Variants in STPG2 observed in about 807,000 individuals in gnomAD.
STPG2 encodes sperm tail PG-rich repeat containing 2, also known as sperm-tail PG-rich repeat-containing protein 2.
In STPG2, 56 loss-of-function variants were observed where a neutral mutation model predicts 54.2. The observed-to-expected ratio is 1.03, with a 90% CI of 0.83 to 1.29. STPG2 has a LOEUF of 1.29. Ranked by LOEUF, STPG2 falls within the 50% of genes most tolerant of loss-of-function variation. The pLI is 0.00. For missense variants in STPG2, 596 were observed against 544.9 expected (o/e 1.09, Z -0.93); for synonymous variants, 200 against 181.8 (o/e 1.10, Z -0.81).
At chr4:97,954,959 T>G (rs1258093562) in intron 7 of STPG2, among the ~76,000 whole-genome samples, 1 of 152,156 alleles carries the variant, frequency 6.6e-6, no homozygotes, top group African/African-American at 2.4e-5. Flanking sequence ...GATTAATGTG[T>G]TCAATAAAAC....
At chr4:97,889,734 C>T (rs919140734) in intron 8 of STPG2, among the ~76,000 whole-genome samples, 2 of 152,020 alleles carry the variant, frequency 1.3e-5, no homozygotes, top group Non-Finnish European at 2.9e-5. Context: ...TTCATTCAGA[C>T]AGTAGGAAAA....
intron 9 of STPG2, among the ~76,000 whole-genome samples, chr4:97,764,493 G>A (rs1264923041): frequency 6.6e-6 from 1 of 152,026 alleles, no homozygotes; most frequent in Non-Finnish European, 1.5e-5. Context: ...AAGGTTAAAG[G>A]ATACAAGGCT....
chr4:98,078,715 C>A (rs1738249307), intron 5 of STPG2, among the ~76,000 whole-genome samples: 1 of 152,058 alleles, frequency 6.6e-6, no homozygotes. Context: ...TGCTTGCCAC[C>A]ACAGAAAGAA....
At chr4:97,755,604 T>A (rs1398446645) in intron 9 of STPG2, among the ~76,000 whole-genome samples, 1 of 152,198 alleles carries the variant, frequency 6.6e-6, no homozygotes, top group South Asian at 2.1e-4. Context: ...ATAAACTATC[T>A]GGCTCTCAAG....
intron 7 of STPG2, among the ~76,000 whole-genome samples, chr4:97,963,730 T>C (rs867254650): frequency 3.4e-4 from 51 of 151,756 alleles, no homozygotes; most frequent in Middle Eastern, 3.5e-3. Flanking sequence ...GAAATATACA[T>C]ACACACATAT....
chr4:97,580,214 C>T (rs1732828482), intron 10 of STPG2, among the ~76,000 whole-genome samples: 1 of 151,858 alleles, frequency 6.6e-6, no homozygotes, highest in Non-Finnish European at 1.5e-5. Flanking sequence ...ATTTATTCTG[C>T]AATAAAGTCA....
chr4:97,470,178 A>G (rs1416416502), intron 4 of STPG2, among the ~76,000 whole-genome samples: 1 of 152,046 alleles, frequency 6.6e-6, no homozygotes, highest in African/African-American at 2.4e-5. Flanking sequence ...CTCAGGAGAG[A>G]GAGAATTAAC....
chr4:97,547,457 G>A (rs1731858700), intron 4 of STPG2, among the ~76,000 whole-genome samples: 2 of 152,172 alleles, frequency 1.3e-5, no homozygotes, highest in African/African-American at 4.8e-5. Context: ...TGATTCACCC[G>A]CCTCGGCCTC....
At chr4:97,864,868 C>T (rs550501391) in intron 8 of STPG2, among the ~76,000 whole-genome samples, 1 of 152,196 alleles carries the variant, frequency 6.6e-6, no homozygotes, top group Admixed American at 6.5e-5. Flanking sequence ...ACAAATGGTG[C>T]TGGGAAAACT....
intron 10 of STPG2, among the ~76,000 whole-genome samples, chr4:97,666,440 C>A (rs1722528410): frequency 6.6e-6 from 1 of 152,178 alleles, no homozygotes; most frequent in African/African-American, 2.4e-5. Flanking sequence ...ATAAATAATA[C>A]TTCTTTAAGA....
intron 10 of STPG2, among the ~76,000 whole-genome samples, chr4:97,701,272 A>G (rs1723765966): frequency 6.6e-6 from 1 of 152,132 alleles, no homozygotes; most frequent in Non-Finnish European, 1.5e-5. Context: ...AATGACCACA[A>G]GATGAGTCCA....
intron 9 of STPG2, among the ~76,000 whole-genome samples, chr4:97,745,587 TAATA>T (rs1385698305): frequency 3.3e-5 from 5 of 151,146 alleles, no homozygotes; most frequent in African/African-American, 7.3e-5. Flanking sequence ...TTAGTAAAAT[TAATA>T]GTCATAAATA....
At chr4:97,550,879 GC>G (rs777336132) in intron 4 of STPG2, among the ~76,000 whole-genome samples, 36 of 152,188 alleles carry the variant, frequency 2.4e-4, no homozygotes, top group Admixed American at 7.2e-4. Context: ...TTGTGGTCTT[GC>G]TGACTTCAGG....
At chr4:97,740,692 A>G (rs1357855769) in intron 9 of STPG2, among the ~76,000 whole-genome samples, 1 of 152,162 alleles carries the variant, frequency 6.6e-6, no homozygotes, top group African/African-American at 2.4e-5. Flanking sequence ...ACTACAAACC[A>G]CTGCTCAAGG....
At chr4:97,956,192 A>T (rs998041727) in intron 7 of STPG2, among the ~76,000 whole-genome samples, 1 of 152,200 alleles carries the variant, frequency 6.6e-6, no homozygotes, top group African/African-American at 2.4e-5. Flanking sequence ...AGTCAGTCTT[A>T]TTGAGAAAGT....
intron 9 of STPG2, among the ~76,000 whole-genome samples, chr4:97,839,055 C>A (rs982661736): frequency 5.3e-5 from 8 of 151,516 alleles, no homozygotes; most frequent in African/African-American, 1.9e-4. Context: ...TCTTTGACTT[C>A]CAAATAATAA....
chr4:97,593,077 C>G (rs1324250791), intron 10 of STPG2, among the ~76,000 whole-genome samples: 1 of 152,144 alleles, frequency 6.6e-6, no homozygotes, highest in Non-Finnish European at 1.5e-5. Context: ...TGTTTGCTGG[C>G]CTTCCCCAGG....
chr4:97,715,491 G>A (rs1004543121), intron 9 of STPG2, among the ~76,000 whole-genome samples: 2 of 152,034 alleles, frequency 1.3e-5, no homozygotes, highest in Non-Finnish European at 2.9e-5. Context: ...AACAGGAACA[G>A]TGAGTAATTT....
At chr4:97,793,370 T>TACACAC (rs3046530) in intron 9 of STPG2, among the ~76,000 whole-genome samples, 30 of 147,974 alleles carry the variant, frequency 2.0e-4, no homozygotes, top group African/African-American at 4.4e-4. Context: ...GTTTTATATA[T>TACACAC]ACACACACAC....
Sources: gnomAD v4.1 joint callset for allele counts (sites outside exome capture counted in the v4.1 genomes callset) on GRCh38, gnomAD v4.1.1 for gene constraint, MANE v1.5 for transcripts, NCBI Gene and HGNC (gene_info 2026-07-23, HGNC 2026-07-21) for gene names.